RTL4: variants seen among roughly 807,000 people sequenced by gnomAD.
The protein encoded by RTL4 is retrotransposon Gag like 4.
Under a neutral mutation model 5.3 loss-of-function variants are expected in RTL4, and 4 were observed. The ratio of observed to expected loss-of-function variants is 0.75; its 90% CI spans 0.37 to 1.72. The LOEUF is 1.72. Ranked by LOEUF, RTL4 falls within the 40% of genes most tolerant of loss-of-function variation. RTL4 has a pLI of 0.04. For synonymous variants in RTL4, 98 were observed against 87.3 expected, an observed-to-expected ratio of 1.12 and a Z score of -0.68; for missense variants, 260 against 227.1, an observed-to-expected ratio of 1.14 and a Z score of -0.93.
chrX:112,210,505 A>T, the RTL4 span, among the ~76,000 whole-genome samples: 1 of 112,319 alleles, frequency 8.9e-6, no homozygotes, highest in Non-Finnish European at 1.9e-5. Context: ...TGATATACAG[A>T]GCTAATATTT....
chrX:112,370,504 G>T, the RTL4 span, among the ~76,000 whole-genome samples: 1 of 111,715 alleles, frequency 9.0e-6, no homozygotes, highest in African/African-American at 3.2e-5. Context: ...TTACAAGGGT[G>T]AGAAGACATT....
the RTL4 span, among the ~76,000 whole-genome samples, chrX:112,369,356 C>T: frequency 9.0e-6 from 1 of 111,270 alleles, no homozygotes; most frequent in African/African-American, 3.3e-5. Flanking sequence ...TGTCTCTCAC[C>T]CTCAGGCTTG....
At chrX:112,111,515 A>G in the RTL4 span, among the ~76,000 whole-genome samples, 1 of 112,783 alleles carries the variant, frequency 8.9e-6, no homozygotes, top group African/African-American at 3.2e-5. Context: ...TGGTATTTAA[A>G]GGGGGTTCCC....
the RTL4 span, among the ~76,000 whole-genome samples, chrX:112,364,973 G>A: frequency 9.0e-6 from 1 of 111,621 alleles, no homozygotes; most frequent in Non-Finnish European, 1.9e-5. Context: ...AGCCCCTAAT[G>A]CAGCTTACAG....
the RTL4 span, among the ~76,000 whole-genome samples, chrX:112,312,929 T>C: frequency 1.8e-5 from 2 of 110,779 alleles, no homozygotes; most frequent in Non-Finnish European, 3.8e-5. Context: ...CTTATCCAGA[T>C]TCTACATCAA....
chrX:112,288,662 C>T, the RTL4 span, among the ~76,000 whole-genome samples: 1 of 111,875 alleles, frequency 8.9e-6, no homozygotes, highest in Non-Finnish European at 1.9e-5. Flanking sequence ...TATTTCTCCT[C>T]ATATATTTTG....
chrX:112,299,432 G>A, the RTL4 span, among the ~76,000 whole-genome samples: 7 of 112,390 alleles, frequency 6.2e-5, no homozygotes, highest in South Asian at 2.6e-3. Context: ...CCACTGAACT[G>A]AGCACTTAAA....
chrX:112,280,083 C>A, the RTL4 span, among the ~76,000 whole-genome samples: 1 of 111,447 alleles, frequency 9.0e-6, no homozygotes, highest in Non-Finnish European at 1.9e-5. Context: ...CATCCTCCAA[C>A]CTGGAAAATC....
the RTL4 span, among the ~76,000 whole-genome samples, chrX:112,361,322 C>T: frequency 9.0e-6 from 1 of 111,442 alleles, no homozygotes; most frequent in African/African-American, 3.3e-5. Context: ...AACAGTCTCT[C>T]TACTCCTATT....
the RTL4 span, among the ~76,000 whole-genome samples, chrX:112,250,712 G>A: frequency 1.8e-5 from 2 of 111,901 alleles, no homozygotes; most frequent in Non-Finnish European, 3.8e-5. Context: ...CGTATTTAAC[G>A]TCATAAAAGA....
chrX:112,262,309 A>G, the RTL4 span, among the ~76,000 whole-genome samples: 1 of 112,161 alleles, frequency 8.9e-6, no homozygotes, highest in Non-Finnish European at 1.9e-5. Context: ...CAAAGGGCTA[A>G]TATCCAGAAT....
the RTL4 span, among the ~76,000 whole-genome samples, chrX:112,415,558 C>T: frequency 3.6e-5 from 4 of 110,532 alleles, no homozygotes; most frequent in Admixed American, 2.9e-4. Context: ...TTGTTGTATA[C>T]GTTAGAAATT....
the RTL4 span, among the ~76,000 whole-genome samples, chrX:112,392,104 G>A: frequency 9.0e-6 from 1 of 111,584 alleles, no homozygotes; most frequent in Non-Finnish European, 1.9e-5. Flanking sequence ...AAGGAACTTA[G>A]GGTCTTTGCT....
the RTL4 span, among the ~76,000 whole-genome samples, chrX:112,347,963 C>T: frequency 1.8e-5 from 2 of 111,297 alleles, no homozygotes; most frequent in African/African-American, 3.3e-5. Context: ...CATCCCTTAC[C>T]TGATACAGTC....
At chrX:112,363,518 A>G in the RTL4 span, among the ~76,000 whole-genome samples, 1 of 110,325 alleles carries the variant, frequency 9.1e-6, no homozygotes, top group African/African-American at 3.3e-5. Context: ...GCGTACTCAT[A>G]CTTATGAGTA....
At chrX:112,125,763 G>A in the RTL4 span, among the ~76,000 whole-genome samples, 1 of 111,561 alleles carries the variant, frequency 9.0e-6, no homozygotes, top group Non-Finnish European at 1.9e-5. Flanking sequence ...CCCATTTAAA[G>A]AATTAAAAAC....
chrX:112,307,753 C>A, the RTL4 span, among the ~76,000 whole-genome samples: 1 of 111,970 alleles, frequency 8.9e-6, no homozygotes, highest in African/African-American at 3.2e-5. Flanking sequence ...CTTTGAGTAC[C>A]ACTAAGCTTT....
At chrX:112,212,152 G>A in the RTL4 span, among the ~76,000 whole-genome samples, 1 of 112,059 alleles carries the variant, frequency 8.9e-6, no homozygotes, top group Admixed American at 9.4e-5. Flanking sequence ...CGAGGCGGGC[G>A]GATCACGAGG....
At chrX:112,375,618 C>A in the RTL4 span, among the ~76,000 whole-genome samples, 1 of 111,309 alleles carries the variant, frequency 9.0e-6, no homozygotes, top group Non-Finnish European at 1.9e-5. Context: ...ACTGTTCTTA[C>A]CCTCTTCAAG....
Sources: allele counts gnomAD v4.1 joint callset (sites outside exome capture counted in the v4.1 genomes callset), GRCh38; gene constraint gnomAD v4.1.1; transcripts MANE v1.5; gene names NCBI Gene and HGNC (gene_info 2026-07-23, HGNC 2026-07-21).